SAMD5: variants seen among roughly 807,000 people sequenced by gnomAD.
The protein encoded by SAMD5 is sterile alpha motif domain containing 5, also known as sterile alpha motif domain-containing protein 5.
In SAMD5, 13 loss-of-function variants were observed where a neutral mutation model predicts 11.3. The ratio of observed to expected loss-of-function variants is 1.15; its 90% CI spans 0.75 to 1.83. The LOEUF (loss-of-function observed/expected upper bound fraction) is 1.83, where lower values mean the gene tolerates loss of function less well. Among genes scored for constraint, SAMD5 ranks in the 40% most tolerant of loss-of-function variants. SAMD5 has a pLI of 0.00. For missense variants in SAMD5, 255 were observed against 239.1 expected (o/e 1.07, Z -0.44); for synonymous variants, 129 against 111.3 (o/e 1.16, Z -1.00).
At chr6:147,902,631 T>TTTAATTA in the SAMD5 span, among the ~76,000 whole-genome samples, 1 of 152,226 alleles carries the variant, frequency 6.6e-6, no homozygotes, top group South Asian at 2.1e-4. Context: ...TAATAAAAGA[T>TTTAATTA]TTAATTATTC....
chr6:147,831,676 T>C, the SAMD5 span, among the ~76,000 whole-genome samples: 7 of 152,346 alleles, frequency 4.6e-5, no homozygotes, highest in South Asian at 1.2e-3. Flanking sequence ...CTGGTGGATG[T>C]TTCAGAGTGT....
chr6:147,577,194 A>G (rs1241148302), intron 1 of SAMD5, among the ~76,000 whole-genome samples: 1 of 152,208 alleles, frequency 6.6e-6, no homozygotes, highest in African/African-American at 2.4e-5. Flanking sequence ...GCAAGCTAAC[A>G]TCGTCTATAC....
downstream of SAMD5, among the ~76,000 whole-genome samples, chr6:147,740,560 G>T (rs922262903): frequency 6.6e-6 from 1 of 152,122 alleles, no homozygotes; most frequent in African/African-American, 2.4e-5. Context: ...CTGTGGCACG[G>T]TGGGCTGACA....
the SAMD5 span, among the ~76,000 whole-genome samples, chr6:147,786,147 C>T: frequency 6.6e-6 from 1 of 152,190 alleles, no homozygotes; most frequent in Non-Finnish European, 1.5e-5. Flanking sequence ...GCCTATTCAT[C>T]TCTAGCTTTC....
chr6:147,659,954 C>A (rs1482027500), intron 1 of SAMD5, among the ~76,000 whole-genome samples: 1 of 152,100 alleles, frequency 6.6e-6, no homozygotes, highest in Non-Finnish European at 1.5e-5. Context: ...CCTAATAGGC[C>A]ATTTTCTGTC....
the SAMD5 span, among the ~76,000 whole-genome samples, chr6:147,919,069 C>T: frequency 6.6e-6 from 1 of 152,140 alleles, no homozygotes; most frequent in African/African-American, 2.4e-5. Flanking sequence ...GAGGACAATC[C>T]AATCTAGGGA....
chr6:147,951,191 T>TTCTTTC, the SAMD5 span, among the ~76,000 whole-genome samples: 1 of 50,074 alleles, frequency 2.0e-5, no homozygotes, highest in Admixed American at 2.9e-4. Flanking sequence ...CTTTCTTTCT[T>TTCTTTC]TTTTTTTTTA....
the SAMD5 span, among the ~76,000 whole-genome samples, chr6:147,918,210 C>T: frequency 6.6e-6 from 1 of 152,140 alleles, no homozygotes; most frequent in South Asian, 2.1e-4. Flanking sequence ...GAATGTTCTT[C>T]CATTTGTTTG....
At chr6:147,535,504 C>G (rs1788495126) in intron 1 of SAMD5, among the ~76,000 whole-genome samples, 1 of 152,098 alleles carries the variant, frequency 6.6e-6, no homozygotes, top group Non-Finnish European at 1.5e-5. Flanking sequence ...TATAGTTTTT[C>G]TTTTGAAGCA....
At chr6:147,884,167 T>A in the SAMD5 span, among the ~76,000 whole-genome samples, 1 of 152,110 alleles carries the variant, frequency 6.6e-6, no homozygotes, top group Non-Finnish European at 1.5e-5. Flanking sequence ...ACTGAGGCTC[T>A]GGAAGAGTAC....
At chr6:147,689,849 T>C (rs1791075690) in intron 1 of SAMD5, among the ~76,000 whole-genome samples, 3 of 152,208 alleles carry the variant, frequency 2.0e-5, no homozygotes, top group Admixed American at 2.0e-4. Flanking sequence ...TGAAATTGAA[T>C]TCAAAATCTT....
chr6:147,622,638 A>G (rs551957518), intron 1 of SAMD5, among the ~76,000 whole-genome samples: 2 of 152,362 alleles, frequency 1.3e-5, no homozygotes, highest in East Asian at 3.9e-4. Context: ...TCCCTGGTGA[A>G]AATGGGCTTT....
At chr6:147,578,399 T>C (rs1369548516) in intron 1 of SAMD5, among the ~76,000 whole-genome samples, 1 of 152,162 alleles carries the variant, frequency 6.6e-6, no homozygotes, top group Non-Finnish European at 1.5e-5. Flanking sequence ...GATCCTAAGT[T>C]ACAATAAAAA....
chr6:147,522,094 G>A (rs918198284), intron 1 of SAMD5, among the ~76,000 whole-genome samples: 3 of 151,968 alleles, frequency 2.0e-5, no homozygotes, highest in Non-Finnish European at 4.4e-5. Flanking sequence ...ATTTTAGTAT[G>A]TGATATAAGG....
At chr6:147,720,526 C>T (rs1414068609) in intron 1 of SAMD5, among the ~76,000 whole-genome samples, 1 of 151,758 alleles carries the variant, frequency 6.6e-6, no homozygotes, top group Non-Finnish European at 1.5e-5. Context: ...TCTATTCTAC[C>T]TTGTGTAGAA....
chr6:147,669,073 A>C (rs907118999), intron 1 of SAMD5, among the ~76,000 whole-genome samples: 2 of 152,128 alleles, frequency 1.3e-5, no homozygotes, highest in Non-Finnish European at 2.9e-5. Flanking sequence ...GGCTGTGGCA[A>C]TTTATTAAAA....
chr6:147,896,738 CAAAA>C, the SAMD5 span, among the ~76,000 whole-genome samples: 75 of 55,330 alleles, frequency 1.4e-3, no homozygotes, highest in Non-Finnish European at 2.2e-3. Context: ...GAACATTAAC[CAAAA>C]AAAAAAAAAA....
At chr6:147,630,884 A>C (rs529428777) in intron 1 of SAMD5, among the ~76,000 whole-genome samples, 2 of 151,794 alleles carry the variant, frequency 1.3e-5, no homozygotes, top group African/African-American at 4.8e-5. Flanking sequence ...CTCCAGCGCC[A>C]GTGATGGACT....
chr6:147,857,687 C>CT, the SAMD5 span, among the ~76,000 whole-genome samples: 4 of 149,118 alleles, frequency 2.7e-5, no homozygotes, highest in African/African-American at 5.2e-5. Context: ...ATTTTTTCTT[C>CT]TTTTTTTTCT....
Sources: allele counts gnomAD v4.1 joint callset (sites outside exome capture counted in the v4.1 genomes callset), GRCh38; gene constraint gnomAD v4.1.1; transcripts MANE v1.5; gene names NCBI Gene and HGNC (gene_info 2026-07-23, HGNC 2026-07-21).